Variants in CBFA2T3 observed in about 807,000 individuals in gnomAD.
The protein encoded by CBFA2T3 is CBFA2/RUNX1 partner transcriptional co-repressor 3, also known as transcriptional corepressor CBFA2T3.
CBFA2T3 carries 31 observed loss-of-function variants against 58.6 expected under a neutral mutation model. That is an observed-to-expected ratio of 0.53 (90% CI 0.40 to 0.71). The LOEUF (loss-of-function observed/expected upper bound fraction) is 0.71, where lower values mean the gene tolerates loss of function less well. Among genes scored for constraint, CBFA2T3 ranks in the 30% least tolerant of loss-of-function variants. The pLI, the probability that CBFA2T3 is intolerant of heterozygous loss-of-function variation, is 0.00. For synonymous variants in CBFA2T3, 531 were observed against 421.9 expected, an observed-to-expected ratio of 1.26 and a Z score of -3.17; for missense variants, 1,076 against 963.1, an observed-to-expected ratio of 1.12 and a Z score of -1.55.
Position 88,958,493 on chromosome 16 carries a change from G to C in CBFA2T3, c.151+18164C>G, listed in dbSNP as rs1972286509. Among the ~76,000 whole-genome samples, 1 of 152,190 alleles carries C rather than the reference G, an allele frequency of 6.6e-6. No homozygotes were observed. The highest frequency in any genetic ancestry group is 2.1e-4 in the South Asian group (1 of 4,830). On this transcript the variant is annotated intron_variant, in intron 1 of 11. Transcript: ENST00000268679. This position sits in a 1 kb window ranked among gnomAD's most constrained non-coding sequence, Gnocchi z 4.0. ...GGCGTTAGAGTGACACCAGGTCCCG[G>C]TGCAGCGCTCGTGAGTGCCCCACAT...
intron 2 of CBFA2T3, among the ~76,000 whole-genome samples, chr16:88,899,175 C>CA (rs1970006339): frequency 6.6e-6 from 1 of 151,644 alleles, no homozygotes; most frequent in South Asian, 2.1e-4. Flanking sequence ...CGTTCAGACT[C>CA]AGTCTCCCAT....
At chr16:88,946,048 C>G (rs1326058007) in intron 1 of CBFA2T3, among the ~76,000 whole-genome samples, 10 of 152,236 alleles carry the variant, frequency 6.6e-5, no homozygotes, top group African/African-American at 2.2e-4. Flanking sequence ...TGGCTCACAC[C>G]TGTAATCCCA....
In CBFA2T3 at chr16:88,948,506, A is replaced by T. The variant is rs138736739; in HGVS notation, c.151+28151T>A. On this transcript the variant is annotated intron_variant, in intron 1 of 11. Coordinates refer to ENST00000268679, the MANE Select transcript of CBFA2T3 (RefSeq NM_005187.6). ...ATGACGCGGCTTCAAGTTGCCCACA[A>T]GGTCAAGGAGACCCTCCCGGAGGCA... Among the ~76,000 whole-genome samples the T allele has an allele frequency of 7.7e-3, 1,169 of 152,290 alleles. 66 individuals are homozygous for T. Among genetic ancestry groups the T allele is most frequent in the Admixed American group, 0.067 (1,033 of 15,310 alleles).
At chr16:88,942,519 C>G (rs548477118) in intron 1 of CBFA2T3, among the ~76,000 whole-genome samples, 5 of 152,342 alleles carry the variant, frequency 3.3e-5, no homozygotes, top group African/African-American at 1.2e-4. Context: ...CCCCCCACCC[C>G]TCGTCCCTCT....
chr16:88,921,745 T>A (rs954692320), intron 1 of CBFA2T3, among the ~76,000 whole-genome samples: 1 of 152,250 alleles, frequency 6.6e-6, no homozygotes, highest in African/African-American at 2.4e-5. Context: ...GAGCCGTACA[T>A]CCGCGGTGCC....
chr16:88,950,023 C>T (rs368251404), intron 1 of CBFA2T3, among the ~76,000 whole-genome samples: 11 of 151,866 alleles, frequency 7.2e-5, no homozygotes, highest in South Asian at 2.1e-4. Context: ...GAAAAGAAAA[C>T]GAAGGAACGA....
intron 1 of CBFA2T3, among the ~76,000 whole-genome samples, chr16:88,942,776 T>C (rs1971786642): frequency 6.6e-6 from 1 of 152,204 alleles, no homozygotes; most frequent in Non-Finnish European, 1.5e-5. Context: ...TTCATTCTCC[T>C]GGTTTTCAGA....
At chr16:88,941,491 C>G (rs1342145634) in intron 1 of CBFA2T3, among the ~76,000 whole-genome samples, 2 of 148,488 alleles carry the variant, frequency 1.3e-5, no homozygotes, top group Admixed American at 1.3e-4. Context: ...GGCTCCCCGC[C>G]GCCGAGAGCC....
chr16:88,923,293 A>C (rs964253550), intron 1 of CBFA2T3, among the ~76,000 whole-genome samples: 9 of 152,104 alleles, frequency 5.9e-5, no homozygotes, highest in African/African-American at 2.2e-4. Flanking sequence ...CTCATCGCAC[A>C]GAGGAGGTGA....
rs1972313979 is a variant in CBFA2T3 at position 88,959,708 on chromosome 16, G to GA, written c.151+16948dup. On this transcript the variant is annotated intron_variant, in intron 1 of 11. Coordinates refer to ENST00000268679, the MANE Select transcript of CBFA2T3 (RefSeq NM_005187.6). Reference sequence around the variant, plus strand: ...GGAGAGAAAACGGGAGCAGGGCAGAGACGGTATCTGGGATTACAGGAGGAA... The same window carrying GA: ...GGAGAGAAAACGGGAGCAGGGCAGAGAACGGTATCTGGGATTACAGGAGGAA... Among the ~76,000 whole-genome samples, 5 of 152,332 alleles carry GA rather than the reference G, an allele frequency of 3.3e-5. No individual in the cohort carries two copies. In the South Asian group the frequency reaches 1.0e-3, roughly 32 times the overall value.
chr16:88,876,458 AC>A lies in CBFA2T3; in HGVS notation c.*517del, dbSNP rs548022138. The A allele has an allele frequency of 1.8e-3, 404 of 229,450 alleles. 3 individuals are homozygous for A. Among genetic ancestry groups the A allele is most frequent in the Non-Finnish European group, 2.5e-3 (293 of 116,350 alleles). 14.2% of individuals were successfully genotyped at this position (229,450 alleles called of 1,614,324 possible). ...TCCCTTTTTAATCAGGAGGGGGAGA[AC>A]CCCCCCGTTTTCTTTGTCCATTTCT... On this transcript the variant is annotated 3_prime_UTR_variant, in exon 12 of 12. Transcript: ENST00000268679.
At chr16:88,891,736 C>T (rs574446218) in intron 5 of CBFA2T3, 146 bp downstream of exon 5, 30 of 625,750 alleles carry the variant, frequency 4.8e-5, no homozygotes, top group South Asian at 2.4e-4. Context: ...TGGCCAAGAT[C>T]GATGCCTCAC....
intron 1 of CBFA2T3, among the ~76,000 whole-genome samples, chr16:88,974,361 G>A (rs897249109): frequency 6.6e-6 from 1 of 152,084 alleles, no homozygotes; most frequent in African/African-American, 2.4e-5. Context: ...GACCCTCCGC[G>A]TGAGGGGGCT....
chr16:88,950,403 G>A lies in CBFA2T3; in HGVS notation c.151+26254C>T, dbSNP rs111460807. 1.3e-3 allele frequency: 535 copies of A among 406,418 alleles called. 27 individuals are homozygous for A. The African/African-American group carries it at 0.014, about 11-fold the overall frequency. 25.2% of individuals were successfully genotyped at this position (406,418 alleles called of 1,614,324 possible). A position where few individuals can be genotyped will look rare whatever the true frequency, so the allele number is the denominator to read the frequency against. Reference sequence around the variant, plus strand: ...ACCTGTCTTCCGGGTCAGTTCACCCGTCCCCTGGACCGGCACCGGCACAGA... The same window carrying A: ...ACCTGTCTTCCGGGTCAGTTCACCCATCCCCTGGACCGGCACCGGCACAGA... On this transcript the variant is annotated intron_variant, in intron 1 of 11. Coordinates refer to ENST00000268679, the MANE Select transcript of CBFA2T3 (RefSeq NM_005187.6).
At chr16:88,964,579 G>A (rs1000419237) in intron 1 of CBFA2T3, among the ~76,000 whole-genome samples, 8 of 152,140 alleles carry the variant, frequency 5.3e-5, no homozygotes, top group African/African-American at 1.4e-4. Flanking sequence ...GAATCACCTG[G>A]GCTGCCCGAC....
chr16:88,967,747 C>T (rs1042096613), intron 1 of CBFA2T3, among the ~76,000 whole-genome samples: 2 of 151,988 alleles, frequency 1.3e-5, no homozygotes, highest in African/African-American at 2.4e-5. Flanking sequence ...GGGTGAGGGT[C>T]AGGCGCACAC....
chr16:88,897,977 G>A (rs773774656), intron 3 of CBFA2T3, 101 bp downstream of exon 3: 16 of 860,112 alleles, frequency 1.9e-5, no homozygotes, highest in Non-Finnish European at 3.0e-5. Context: ...CGGAGGCCGG[G>A]GAGGAGAGCT....
rs554681880 is a variant in CBFA2T3 at position 88,975,724 on chromosome 16, G to C, written c.151+933C>G. ...TGCTCACATCTGGGGCCCTTGTGGGGGATGGCCCTGGGGCCCCACGGGCAG... is the reference window on the plus strand; with the variant it reads ...TGCTCACATCTGGGGCCCTTGTGGGCGATGGCCCTGGGGCCCCACGGGCAG... On this transcript the variant is annotated intron_variant, in intron 1 of 11. Coordinates refer to ENST00000268679, the MANE Select transcript of CBFA2T3 (RefSeq NM_005187.6). 3.0e-4 allele frequency among the ~76,000 whole-genome samples: 46 copies of C among 152,376 alleles called. 1 individual carries two copies. The highest frequency in any genetic ancestry group is 5.4e-4 in the Non-Finnish European group (37 of 68,032).
intron 1 of CBFA2T3, among the ~76,000 whole-genome samples, chr16:88,931,012 A>G (rs1042703121): frequency 9.2e-5 from 14 of 151,842 alleles, no homozygotes; most frequent in Non-Finnish European, 1.8e-4. Context: ...GATAAACGTT[A>G]TGTGTATTTT....
Sources: gnomAD v4.1 joint callset for allele counts (sites outside exome capture counted in the v4.1 genomes callset) on GRCh38, gnomAD v4.1.1 for gene constraint, Gnocchi (gnomAD v3.1) non-coding constraint, MANE v1.5 for transcripts, NCBI Gene and HGNC (gene_info 2026-07-23, HGNC 2026-07-21) for gene names.